TAS1R1: variants seen among roughly 807,000 people sequenced by gnomAD.
The protein encoded by TAS1R1 is taste 1 receptor member 1.
TAS1R1 carries 31 observed loss-of-function variants against 45.8 expected under a neutral mutation model. That is an observed-to-expected ratio of 0.68 (90% CI 0.51 to 0.91). TAS1R1 has a LOEUF of 0.91. TAS1R1 is among the 40% of genes least tolerant of loss of function. The pLI, the probability that TAS1R1 is intolerant of heterozygous loss-of-function variation, is 0.00. For synonymous variants in TAS1R1, 437 were observed against 448.4 expected (o/e 0.97, Z 0.32); for missense variants, 1,051 against 1,063.9 (o/e 0.99, Z 0.17).
At position 6,574,587 on chromosome 1, in the gene TAS1R1, G is replaced by A. The variant is rs1003751280; in HGVS notation, c.499-44G>A. On this transcript the variant is annotated intron_variant, in intron 2 of 5. Coordinates refer to ENST00000333172, the MANE Select transcript of TAS1R1 (RefSeq NM_138697.4). The surrounding 1 kb of genome is among the most constrained non-coding windows in gnomAD (Gnocchi z 4.3). The stretch of plus-strand genomic sequence containing the variant: ...CCAGCACAGGGCCAGGCACTGGGGG[G>A]GCCTTCAGTGGAGACTGAAATGGCT... 4 of 1,557,844 alleles carry A rather than the reference G, an allele frequency of 2.6e-6. No individual in the cohort carries two copies. Among genetic ancestry groups the A allele is most frequent in the African/African-American group, 1.4e-5 (1 of 73,994 alleles).
intron 1 of TAS1R1, among the ~76,000 whole-genome samples, chr1:6,560,355 CCTG>C (rs1303842129): frequency 1.3e-5 from 2 of 152,200 alleles, no homozygotes; most frequent in Admixed American, 1.3e-4. Flanking sequence ...CGTTTAGTAA[CCTG>C]CTGGGCTGCT....
intron 1 of TAS1R1, among the ~76,000 whole-genome samples, chr1:6,568,461 G>GAAAAAAA (rs577853147): frequency 5.6e-5 from 6 of 106,332 alleles, no homozygotes; most frequent in Non-Finnish European, 1.2e-4. Context: ...TCTCAAAAAA[G>GAAAAAAA]AAAAAAAAAA....
rs866076089 is a variant in TAS1R1 at position 6,555,427 on chromosome 1, C to T, written c.54C>T (p.Cys18=). The part of the protein sequence containing the change: ...LVGLQLLISC[C]WAFACHSTES... ...GCCTGCAGCTTCTCATTTCCTGCTG[C>T]TGGGCCTTTGCCTGCCATAGCACGG... is the stretch of plus-strand genomic sequence containing the variant. Residue 18 remains cysteine (C), a synonymous_variant, in exon 1 of 6, where the codon TGC becomes TGT. Transcript: ENST00000333172. The T allele has an allele frequency of 1.9e-6, 3 of 1,607,698 alleles. No individual in the cohort carries two copies. Among genetic ancestry groups the T allele is most frequent in the South Asian group, 1.1e-5 (1 of 90,016 alleles).
At chr1:6,555,973 G>A (rs1042195819) in intron 1 of TAS1R1, among the ~76,000 whole-genome samples, 14 of 150,456 alleles carry the variant, frequency 9.3e-5, no homozygotes, top group East Asian at 2.0e-4. Context: ...CCGGGTTCAC[G>A]CCATTCTCCT....
intron 1 of TAS1R1, among the ~76,000 whole-genome samples, chr1:6,569,040 G>A (rs960513064): frequency 1.3e-5 from 2 of 152,022 alleles, no homozygotes; most frequent in African/African-American, 4.8e-5. Flanking sequence ...TGGTTGAGGG[G>A]CATGTTGGGC....
At chr1:6,558,632 A>G (rs1245426694) in intron 1 of TAS1R1, among the ~76,000 whole-genome samples, 1 of 152,010 alleles carries the variant, frequency 6.6e-6, no homozygotes. Context: ...AGGCACAAGA[A>G]TCACTTGAAC....
chr1:6,558,818 A>G (rs1329537428), intron 1 of TAS1R1, among the ~76,000 whole-genome samples: 12 of 151,968 alleles, frequency 7.9e-5, no homozygotes, highest in Non-Finnish European at 1.2e-4. Context: ...TCCCAGATTC[A>G]GGCGATCCTC....
At chr1:6,571,945 C>T (rs1640028473) in intron 2 of TAS1R1, among the ~76,000 whole-genome samples, 1 of 152,154 alleles carries the variant, frequency 6.6e-6, no homozygotes, top group Non-Finnish European at 1.5e-5. Flanking sequence ...ACATGCCTCA[C>T]CTTGCTGATG....
intron 1 of TAS1R1, among the ~76,000 whole-genome samples, chr1:6,562,781 C>G (rs1466888498): frequency 6.6e-6 from 1 of 152,116 alleles, no homozygotes; most frequent in Non-Finnish European, 1.5e-5. Flanking sequence ...GGGAAGCAGA[C>G]ATAGGTTGAG....
intron 1 of TAS1R1, 45 bp downstream of exon 1, chr1:6,555,609 T>C (rs1347952286): frequency 2.6e-6 from 4 of 1,512,222 alleles, no homozygotes; most frequent in Admixed American, 4.0e-5. Context: ...GACCCCTGGC[T>C]ATAGGGCCCC....
In TAS1R1 at chr1:6,579,423, C is replaced by G. The variant is rs777065835; in HGVS notation, c.2365C>G (p.Pro789Ala). The G allele has an allele frequency of 2.5e-6, 4 of 1,614,042 alleles. No homozygotes were observed. In the Admixed American group the frequency reaches 6.7e-5, roughly 27 times the overall value. The change falls in exon 6 of 6, where the codon CCT becomes GCT. Residue 789 changes from proline (P) to alanine (A), a missense_variant. Pro to Ala is a conservative substitution (Grantham distance 27). Transcript: ENST00000333172. The stretch of plus-strand genomic sequence containing the variant: ...CAGCGTCTACGACGGCAAGTACCTG[C>G]CTGCGGCCAACATGATGGCTGGGCT... ...TASVYDGKYL[P>A]AANMMAGLSS...
At position 6,579,554 on chromosome 1, in the gene TAS1R1, G is replaced by A; in HGVS notation, c.2496G>A (p.Gln832=). ...CAGAGCACTTCCAGGCCTCCATTCA[G>A]GACTACACGAGGCGCTGCGGCTCCA... ...NSTEHFQASI[Q]DYTRRCGST Residue 832 remains glutamine, a synonymous_variant, in exon 6 of 6, where the codon CAG becomes CAA. Coordinates refer to ENST00000333172, the MANE Select transcript of TAS1R1 (RefSeq NM_138697.4). The A allele has an allele frequency of 6.2e-7, 1 of 1,610,776 alleles. No individual in the cohort carries two copies. Among genetic ancestry groups the A allele is most frequent in the Non-Finnish European group, 8.5e-7 (1 of 1,179,388 alleles).
At chr1:6,573,865 G>C (rs746501721) in intron 2 of TAS1R1, among the ~76,000 whole-genome samples, 1 of 151,934 alleles carries the variant, frequency 6.6e-6, no homozygotes, top group African/African-American at 2.4e-5. Context: ...GGGTTTCACC[G>C]TGTTAGCCAG....
rs752514576 is a variant in TAS1R1 at position 6,578,653 on chromosome 1, A to G, written c.1595A>G (p.Asp532Gly). The change falls in exon 6 of 6, where the codon GAC (aspartate) becomes GGC (glycine). Residue 532 changes from aspartate to glycine, a missense_variant and splice_region_variant. Physicochemically the swap from Asp to Gly is moderately conservative, Grantham distance 94. Coordinates refer to ENST00000333172, the MANE Select transcript of TAS1R1 (RefSeq NM_138697.4). ...CGAGTFLNKSDLYRCQPCGKE... is the reference protein window; with the variant it reads ...CGAGTFLNKSGLYRCQPCGKE... ...GAACCTTCTTGGCCTTCCCTTTCAG[A>G]CCTCTACAGATGCCAGCCTTGTGGG... is the stretch of plus-strand genomic sequence containing the variant. 6.4e-7 allele frequency: 1 copy of G among 1,558,172 alleles called. No homozygotes were observed. Among genetic ancestry groups the G allele is most frequent in the Non-Finnish European group, 8.7e-7 (1 of 1,149,830 alleles).
chr1:6,572,768 C>G lies in TAS1R1; in HGVS notation c.498+1553C>G, dbSNP rs532183002. On this transcript the variant is annotated intron_variant, in intron 2 of 5. Transcript: ENST00000333172. ...GGCAGGCTGTGGGCTCGTGGTTTAA[C>G]CTCCCATTCTCAGTCCCCTCCCCTC... is the stretch of plus-strand genomic sequence containing the variant. 4.5e-3 allele frequency among the ~76,000 whole-genome samples: 685 copies of G among 152,298 alleles called. 2 individuals carry two copies. Among genetic ancestry groups the G allele is most frequent in the Non-Finnish European group, 7.1e-3 (486 of 68,032 alleles).
At chr1:6,571,875 C>T (rs1640026613) in intron 2 of TAS1R1, among the ~76,000 whole-genome samples, 1 of 152,168 alleles carries the variant, frequency 6.6e-6, no homozygotes, top group Non-Finnish European at 1.5e-5. Flanking sequence ...TAGACTGCTC[C>T]ACATCATCCC....
At chr1:6,572,447 A>G (rs1200637343) in intron 2 of TAS1R1, among the ~76,000 whole-genome samples, 7 of 151,802 alleles carry the variant, frequency 4.6e-5, no homozygotes, top group African/African-American at 1.5e-4. Flanking sequence ...TTTTGTAGAG[A>G]TAGAGGTCTC....
At chr1:6,563,861 T>A (rs1041767131) in intron 1 of TAS1R1, among the ~76,000 whole-genome samples, 11 of 151,492 alleles carry the variant, frequency 7.3e-5, no homozygotes, top group Admixed American at 7.2e-4. Context: ...TAAAAGAGAG[T>A]CGAGAGTGGG....
At chr1:6,564,368 T>C (rs1639837833) in intron 1 of TAS1R1, among the ~76,000 whole-genome samples, 1 of 151,162 alleles carries the variant, frequency 6.6e-6, no homozygotes, top group Non-Finnish European at 1.5e-5. Context: ...TGAGAGAGAG[T>C]GTTGGGAGGT....
Sources: gnomAD v4.1 joint callset for allele counts (sites outside exome capture counted in the v4.1 genomes callset) on GRCh38, gnomAD v4.1.1 for gene constraint, Gnocchi (gnomAD v3.1) non-coding constraint, MANE v1.5 for transcripts, NCBI Gene and HGNC (gene_info 2026-07-23, HGNC 2026-07-21) for gene names.